The following PDS5A variants were observed in gnomAD, a reference collection of about 807,000 sequenced individuals.
The protein encoded by PDS5A is sister chromatid cohesion protein PDS5 homolog A.
A neutral mutation model predicts 167.1 loss-of-function variants in PDS5A; 42 were observed. The ratio of observed to expected loss-of-function variants is 0.25; its 90% CI spans 0.20 to 0.33. The LOEUF (loss-of-function observed/expected upper bound fraction) is 0.33, where lower values mean the gene tolerates loss of function less well. Ranked by LOEUF, PDS5A falls within the 10% of genes least tolerant of loss-of-function variation. PDS5A has a pLI of 1.00. For synonymous variants in PDS5A, 553 were observed against 554.6 expected (o/e 1.00, Z 0.04); for missense variants, 1,033 against 1,605.9 (o/e 0.64, Z 6.10).
At chr4:39,875,254 T>C (rs1215542666) in intron 19 of PDS5A, among the ~76,000 whole-genome samples, 2 of 152,140 alleles carry the variant, frequency 1.3e-5, no homozygotes, top group Non-Finnish European at 2.9e-5. Flanking sequence ...GAAAATAGTG[T>C]GCATATATGA....
chr4:39,958,209 C>CAT (rs1270564413), intron 2 of PDS5A, among the ~76,000 whole-genome samples: 2 of 151,554 alleles, frequency 1.3e-5, no homozygotes, highest in Non-Finnish European at 2.9e-5. Flanking sequence ...AATTTTATAA[C>CAT]AAAAACAACA....
At chr4:39,948,944 C>T (rs1004171619) in intron 2 of PDS5A, among the ~76,000 whole-genome samples, 1 of 151,912 alleles carries the variant, frequency 6.6e-6, no homozygotes, top group Non-Finnish European at 1.5e-5. Flanking sequence ...TTATTATCAA[C>T]TAACAAACGG....
intron 26 of PDS5A, among the ~76,000 whole-genome samples, chr4:39,861,323 T>G (rs1219594811): frequency 6.6e-6 from 1 of 151,714 alleles, no homozygotes; most frequent in Non-Finnish European, 1.5e-5. Context: ...CCAGGAGTGG[T>G]GGCAGGCACC....
At chr4:39,900,643 T>C (rs1578700485) in intron 13 of PDS5A, 136 bp from the exon 14 acceptor site, 9 of 620,374 alleles carry the variant, frequency 1.5e-5, no homozygotes, top group African/African-American at 3.7e-5. Context: ...CCGGGAAATA[T>C]ATTTATTAGG....
chr4:39,844,484 A>C (rs1454123233), intron 30 of PDS5A, among the ~76,000 whole-genome samples, 172 bp downstream of exon 30: 1 of 151,780 alleles, frequency 6.6e-6, no homozygotes, highest in Admixed American at 6.6e-5. Flanking sequence ...GTCTCAAAAA[A>C]AAAAAAAAAA....
At chr4:39,870,544 C>T (rs961881846) in intron 21 of PDS5A, among the ~76,000 whole-genome samples, 3 of 151,826 alleles carry the variant, frequency 2.0e-5, no homozygotes, top group Non-Finnish European at 2.9e-5. Flanking sequence ...GCCAAGGTTG[C>T]GCTAGTGCAC....
intron 2 of PDS5A, among the ~76,000 whole-genome samples, chr4:39,969,666 CA>C (rs1352499321): frequency 6.7e-6 from 1 of 149,816 alleles, no homozygotes; most frequent in African/African-American, 2.5e-5. Flanking sequence ...AACTTGGTCT[CA>C]AAAAAAAGGA....
chr4:39,905,126 C>A (rs1166082891), intron 11 of PDS5A, among the ~76,000 whole-genome samples: 1 of 152,024 alleles, frequency 6.6e-6, no homozygotes, highest in Non-Finnish European at 1.5e-5. Context: ...AATCTAAAAT[C>A]CTAGTAAATC....
In PDS5A at chr4:39,873,500, C is replaced by A. The variant is rs190622631; in HGVS notation, c.2278-356G>T. Among the ~76,000 whole-genome samples the A allele has an allele frequency of 2.0e-5, 3 of 152,150 alleles. No homozygotes were observed. The East Asian group carries it at 5.8e-4, about 29-fold the overall frequency. On this transcript the variant is annotated intron_variant, in intron 20 of 32. Transcript: ENST00000303538. ...TACCCTGTGGAAGCATTTTAAATGA[C>A]CTTAAATCATACAAAGTAAGAGTTC...
At chr4:39,867,780 C>G (rs1033953944) in intron 22 of PDS5A, among the ~76,000 whole-genome samples, 1 of 143,746 alleles carries the variant, frequency 7.0e-6, no homozygotes, top group African/African-American at 2.6e-5. Flanking sequence ...ACACACCCCA[C>G]AACTGTACTG....
intron 9 of PDS5A, among the ~76,000 whole-genome samples, chr4:39,911,758 G>A (rs1723910211): frequency 6.6e-6 from 1 of 150,594 alleles, no homozygotes; most frequent in Non-Finnish European, 1.5e-5. Flanking sequence ...CATGAACCCG[G>A]GAGGCGAAGC....
intron 2 of PDS5A, among the ~76,000 whole-genome samples, chr4:39,960,339 T>C (rs1384635426): frequency 6.6e-6 from 1 of 152,220 alleles, no homozygotes; most frequent in East Asian, 1.9e-4. Context: ...TTTTAAAATA[T>C]CACATAATAC....
chr4:39,973,082 T>C, intron 2 of PDS5A: 1 of 725,008 alleles, frequency 1.4e-6, no homozygotes, highest in African/African-American at 1.8e-5. Context: ...TTTAGATATT[T>C]TTCTTTGGTG....
chr4:39,873,141 G>C lies in PDS5A; in HGVS notation c.2281C>G (p.Leu761Val), dbSNP rs1720190045. 1 of 1,474,510 alleles carries C rather than the reference G, an allele frequency of 6.8e-7. No individual in the cohort carries two copies. Among genetic ancestry groups the C allele is most frequent in the Admixed American group, 1.9e-5 (1 of 51,376 alleles). 91.3% of individuals were successfully genotyped at this position (1,474,510 alleles called of 1,614,324 possible). The part of the protein sequence containing the change: ...EVQLAQIFEP[L>V]SRSLNADVPE... ...ACATCAGCATTCAGACTCCTACTGA[G>C]TGGCTATAAAAATAAAACAGACAAA... The change falls in exon 21 of 33, where the codon CTC becomes GTC. Residue 761 changes from leucine to valine, a missense_variant. Physicochemically the swap from Leu to Val is conservative, Grantham distance 32 (BLOSUM62 1). Around this residue, in one of 4 missense-constraint regions of PDS5A, gnomAD observed 367 missense variants for 686.7 expected, o/e 0.53. Coordinates refer to ENST00000303538, the MANE Select transcript of PDS5A (RefSeq NM_001100399.2).
chr4:39,958,898 T>A (rs1462820893), intron 2 of PDS5A, among the ~76,000 whole-genome samples: 1 of 152,162 alleles, frequency 6.6e-6, no homozygotes, highest in African/African-American at 2.4e-5. Flanking sequence ...CATGAGCCAC[T>A]GCGCCCTGCT....
At chr4:39,828,594 A>G (rs1232363562) in intron 32 of PDS5A, among the ~76,000 whole-genome samples, 6 of 152,242 alleles carry the variant, frequency 3.9e-5, no homozygotes, top group Admixed American at 6.5e-5. Flanking sequence ...TAACAAACCT[A>G]AAGTGTAAAC....
intron 26 of PDS5A, among the ~76,000 whole-genome samples, chr4:39,854,401 A>G (rs1170448256): frequency 1.3e-5 from 2 of 152,214 alleles, no homozygotes; most frequent in Admixed American, 6.5e-5. Context: ...CGTAACATAT[A>G]ATAAAAAGCC....
chr4:39,925,365 A>G (rs1394360812), intron 5 of PDS5A, among the ~76,000 whole-genome samples: 2 of 152,196 alleles, frequency 1.3e-5, no homozygotes, highest in South Asian at 2.1e-4. Flanking sequence ...CTAGGTCTAG[A>G]ATAAGAAGTT....
intron 13 of PDS5A, 92 bp downstream of exon 13, chr4:39,902,255 C>A: frequency 1.7e-6 from 1 of 598,900 alleles, no homozygotes; most frequent in South Asian, 2.5e-5. Flanking sequence ...ATAGAAGCAG[C>A]AACAATCCAA....
Sources: allele counts gnomAD v4.1 joint callset (sites outside exome capture counted in the v4.1 genomes callset), GRCh38; gene constraint gnomAD v4.1.1; regional missense constraint gnomAD v4.1.1; transcripts MANE v1.5; gene names NCBI Gene and HGNC (gene_info 2026-07-23, HGNC 2026-07-21).